The following CCSER1 variants were observed in gnomAD, a reference collection of about 807,000 sequenced individuals.
CCSER1 encodes the protein coiled-coil serine rich protein 1.
CCSER1 carries 41 observed loss-of-function variants against 82.0 expected under a neutral mutation model. The ratio of observed to expected loss-of-function variants is 0.50; its 90% CI spans 0.39 to 0.65. CCSER1 has a LOEUF of 0.65. Ranked by LOEUF, CCSER1 falls within the 30% of genes least tolerant of loss-of-function variation. The probability of loss-of-function intolerance (pLI) is 0.00; values close to 1 mark genes in which losing one functional copy is unlikely to be tolerated. For missense variants in CCSER1, 1,119 were observed against 1,064.2 expected (o/e 1.05, Z -0.72); for synonymous variants, 414 against 383.9 (o/e 1.08, Z -0.92).
intron 9 of CCSER1, among the ~76,000 whole-genome samples, chr4:90,982,972 G>A (rs887052397): frequency 6.6e-6 from 1 of 151,742 alleles, no homozygotes; most frequent in Non-Finnish European, 1.5e-5. Context: ...GTACATCTAA[G>A]TGCATTTCCT....
intron 10 of CCSER1, among the ~76,000 whole-genome samples, chr4:91,590,047 G>GT (rs1181225600): frequency 1.3e-5 from 2 of 151,948 alleles, no homozygotes; most frequent in African/African-American, 4.8e-5. Flanking sequence ...GAAAACTGTT[G>GT]TATGTTTTCA....
At chr4:90,798,463 A>G (rs62314103) in intron 7 of CCSER1, among the ~76,000 whole-genome samples, 1 of 151,138 alleles carries the variant, frequency 6.6e-6, no homozygotes, top group Non-Finnish European at 1.5e-5. Context: ...CATATTCTGA[A>G]TTCTATTTCT....
intron 10 of CCSER1, among the ~76,000 whole-genome samples, chr4:91,149,695 A>G (rs1027162196): frequency 6.6e-6 from 1 of 152,208 alleles, no homozygotes; most frequent in Non-Finnish European, 1.5e-5. Flanking sequence ...CTTTCTGCAT[A>G]TGACTAGCCA....
chr4:91,359,492 A>G (rs984158078), intron 10 of CCSER1, among the ~76,000 whole-genome samples: 1 of 151,918 alleles, frequency 6.6e-6, no homozygotes, highest in African/African-American at 2.4e-5. Flanking sequence ...GCTGCTACCT[A>G]TTAAAATTAT....
intron 5 of CCSER1, among the ~76,000 whole-genome samples, chr4:90,488,507 A>G: frequency 6.6e-6 from 1 of 152,172 alleles, no homozygotes; most frequent in East Asian, 1.9e-4. Context: ...CTATTTTAAT[A>G]TATTTCAATC....
At chr4:90,501,449 T>C (rs577582288) in intron 5 of CCSER1, among the ~76,000 whole-genome samples, 24 of 152,314 alleles carry the variant, frequency 1.6e-4, no homozygotes, top group African/African-American at 5.5e-4. Flanking sequence ...TCCTTTGACT[T>C]AATAATAATT....
At chr4:91,338,151 T>C (rs751791260) in intron 10 of CCSER1, among the ~76,000 whole-genome samples, 6 of 152,184 alleles carry the variant, frequency 3.9e-5, no homozygotes, top group Non-Finnish European at 7.4e-5. Flanking sequence ...AGATTGTTTG[T>C]GCACTTTCTT....
chr4:91,148,614 C>G (rs57200074), intron 10 of CCSER1, among the ~76,000 whole-genome samples: 1 of 152,212 alleles, frequency 6.6e-6, no homozygotes, highest in African/African-American at 2.4e-5. Flanking sequence ...AGGTATATCT[C>G]CTGATGCTAT....
intron 1 of CCSER1, among the ~76,000 whole-genome samples, chr4:90,166,763 T>C (rs1430227826): frequency 2.6e-5 from 4 of 151,988 alleles, no homozygotes; most frequent in African/African-American, 4.8e-5. Context: ...TTAAAAGAGT[T>C]TCAAATATCA....
At chr4:91,340,088 G>C (rs1357253556) in intron 10 of CCSER1, among the ~76,000 whole-genome samples, 2 of 152,262 alleles carry the variant, frequency 1.3e-5, no homozygotes, top group East Asian at 3.9e-4. Flanking sequence ...CTGTACTCCA[G>C]CCTGGGCTAC....
chr4:90,337,343 G>A (rs929010616), intron 3 of CCSER1, among the ~76,000 whole-genome samples: 15 of 152,180 alleles, frequency 9.9e-5, no homozygotes, highest in African/African-American at 2.9e-4. Flanking sequence ...GTGACCCACA[G>A]TGGACAAGGC....
At chr4:91,212,903 C>T (rs752119014) in intron 10 of CCSER1, among the ~76,000 whole-genome samples, 1 of 152,058 alleles carries the variant, frequency 6.6e-6, no homozygotes, top group South Asian at 2.1e-4. Flanking sequence ...TCTCCCTACT[C>T]TTATAGCCCC....
chr4:91,074,135 T>G (rs971745816), intron 9 of CCSER1, among the ~76,000 whole-genome samples: 1 of 152,170 alleles, frequency 6.6e-6, no homozygotes, highest in African/African-American at 2.4e-5. Context: ...TGCATTTTAT[T>G]TTGTCTAAAG....
At chr4:90,559,788 A>C (rs752810760) in intron 5 of CCSER1, among the ~76,000 whole-genome samples, 9 of 138,900 alleles carry the variant, frequency 6.5e-5, no homozygotes, top group Admixed American at 3.7e-4. Context: ...CCAGCCTGGG[A>C]GACAGACCGA....
chr4:90,728,935 TA>T (rs779930799), intron 7 of CCSER1, among the ~76,000 whole-genome samples: 2 of 152,206 alleles, frequency 1.3e-5, no homozygotes, highest in African/African-American at 2.4e-5. Flanking sequence ...TTTCTATTTT[TA>T]AAACAATGTT....
chr4:90,257,574 T>C (rs895279271), intron 1 of CCSER1, among the ~76,000 whole-genome samples: 14 of 151,126 alleles, frequency 9.3e-5, no homozygotes, highest in Non-Finnish European at 1.8e-4. Flanking sequence ...CATAGATACA[T>C]AGATACATAG....
At chr4:90,216,103 A>G (rs1172204385) in intron 1 of CCSER1, among the ~76,000 whole-genome samples, 1 of 152,226 alleles carries the variant, frequency 6.6e-6, no homozygotes, top group Non-Finnish European at 1.5e-5. Context: ...TATATAACAC[A>G]GACCCTTGCT....
intron 10 of CCSER1, among the ~76,000 whole-genome samples, chr4:91,117,094 T>C (rs1429524318): frequency 6.6e-6 from 1 of 152,216 alleles, no homozygotes; most frequent in Non-Finnish European, 1.5e-5. Flanking sequence ...TTTTAATTGC[T>C]AGTACAAAGC....
At chr4:90,490,433 G>C (rs1260448121) in intron 5 of CCSER1, among the ~76,000 whole-genome samples, 1 of 152,128 alleles carries the variant, frequency 6.6e-6, no homozygotes, top group Admixed American at 6.5e-5. Context: ...CCCTTTGTGA[G>C]ATGAGTAGAT....
Sources: gnomAD v4.1 joint callset for allele counts (sites outside exome capture counted in the v4.1 genomes callset) on GRCh38, gnomAD v4.1.1 for gene constraint, MANE v1.5 for transcripts, NCBI Gene and HGNC (gene_info 2026-07-23, HGNC 2026-07-21) for gene names.